Variants in CTNNA2 observed in about 807,000 individuals in gnomAD.
CTNNA2 encodes the protein catenin alpha-2.
CTNNA2 carries 42 observed loss-of-function variants against 101.0 expected under a neutral mutation model. That is an observed-to-expected ratio of 0.42 (90% CI 0.32 to 0.54). The LOEUF (loss-of-function observed/expected upper bound fraction) is 0.54, where lower values mean the gene tolerates loss of function less well. Ranked by LOEUF, CTNNA2 falls within the 20% of genes least tolerant of loss-of-function variation. The pLI is 0.14. For synonymous variants in CTNNA2, 450 were observed against 456.4 expected, an observed-to-expected ratio of 0.99 and a Z score of 0.18; for missense variants, 871 against 1,223.1, an observed-to-expected ratio of 0.71 and a Z score of 4.29.
At chr2:80,179,650 G>A (rs1705638817) in intron 7 of CTNNA2, among the ~76,000 whole-genome samples, 1 of 152,160 alleles carries the variant, frequency 6.6e-6, no homozygotes, top group South Asian at 2.1e-4. Context: ...TGGGATTACA[G>A]GTGTGAGCCA....
chr2:79,599,794 A>G (rs1366371579), intron 1 of CTNNA2, among the ~76,000 whole-genome samples: 1 of 152,192 alleles, frequency 6.6e-6, no homozygotes, highest in African/African-American at 2.4e-5. Flanking sequence ...TTCTGATACC[A>G]AGGGAAAGTT....
chr2:79,518,550 G>A (rs916957704), intron 1 of CTNNA2, among the ~76,000 whole-genome samples: 5 of 152,156 alleles, frequency 3.3e-5, no homozygotes, highest in African/African-American at 1.2e-4. Flanking sequence ...TCTTGATGGA[G>A]CTATGTCAGT....
At chr2:80,310,237 G>C (rs1156598816) in intron 7 of CTNNA2, among the ~76,000 whole-genome samples, 1 of 152,128 alleles carries the variant, frequency 6.6e-6, no homozygotes, top group Non-Finnish European at 1.5e-5. Flanking sequence ...TGAATAATGT[G>C]TTTTCTCTCC....
intron 1 of CTNNA2, among the ~76,000 whole-genome samples, chr2:79,584,676 C>T (rs181618159): frequency 2.0e-5 from 3 of 152,072 alleles, no homozygotes; most frequent in South Asian, 2.1e-4. Flanking sequence ...CACACCACCA[C>T]GTCCGGCTAA....
At chr2:80,352,965 T>C (rs1274168289) in intron 7 of CTNNA2, among the ~76,000 whole-genome samples, 1 of 151,684 alleles carries the variant, frequency 6.6e-6, no homozygotes, top group Non-Finnish European at 1.5e-5. Flanking sequence ...TCTGGGGAAG[T>C]AGGTTCATTA....
At chr2:79,687,727 T>A in intron 2 of CTNNA2, 1 of 466,612 alleles carries the variant, frequency 2.1e-6, no homozygotes. Flanking sequence ...GTATTGTGAC[T>A]TTTGGAAAAA....
intron 7 of CTNNA2, among the ~76,000 whole-genome samples, chr2:80,164,183 C>A (rs1242811574): frequency 6.6e-6 from 1 of 151,610 alleles, no homozygotes; most frequent in Non-Finnish European, 1.5e-5. Context: ...CTTAAGTCTG[C>A]CATTTTATTT....
chr2:80,112,559 A>G (rs1356287231), intron 7 of CTNNA2, among the ~76,000 whole-genome samples: 1 of 152,198 alleles, frequency 6.6e-6, no homozygotes, highest in African/African-American at 2.4e-5. Context: ...AATCTCTGAC[A>G]AACTATTTAA....
intron 2 of CTNNA2, among the ~76,000 whole-genome samples, chr2:79,201,722 T>C (rs1330331013): frequency 1.3e-5 from 2 of 152,072 alleles, no homozygotes; most frequent in African/African-American, 4.8e-5. Context: ...CAAGCCCTAA[T>C]AGGAGATTTC....
chr2:79,878,585 G>A (rs1224399396), intron 6 of CTNNA2, among the ~76,000 whole-genome samples: 7 of 152,200 alleles, frequency 4.6e-5, no homozygotes, highest in African/African-American at 1.7e-4. Flanking sequence ...CTAATGATGA[G>A]TGATGTTGAG....
chr2:80,530,194 G>A (rs755730723), intron 9 of CTNNA2, among the ~76,000 whole-genome samples: 2 of 152,128 alleles, frequency 1.3e-5, no homozygotes, highest in African/African-American at 2.4e-5. Flanking sequence ...TTTCTGAGAG[G>A]GCGTGAAATA....
intron 12 of CTNNA2, among the ~76,000 whole-genome samples, chr2:80,564,342 A>G (rs1215694481): frequency 1.3e-5 from 2 of 152,116 alleles, no homozygotes; most frequent in Non-Finnish European, 2.9e-5. Flanking sequence ...CCATCCTTTT[A>G]AGTTATAAAC....
intron 9 of CTNNA2, among the ~76,000 whole-genome samples, chr2:80,536,739 C>T (rs1486608549): frequency 2.6e-5 from 4 of 152,154 alleles, no homozygotes; most frequent in Non-Finnish European, 5.9e-5. Context: ...GGCATTTTGG[C>T]TTTTCTTGTG....
intron 7 of CTNNA2, among the ~76,000 whole-genome samples, chr2:79,920,354 A>G (rs758880418): frequency 2.6e-5 from 4 of 152,082 alleles, no homozygotes; most frequent in Admixed American, 6.5e-5. Flanking sequence ...CACTTGCCAC[A>G]CTCCAAAATC....
intron 7 of CTNNA2, among the ~76,000 whole-genome samples, chr2:80,333,762 T>A (rs1361851689): frequency 6.6e-6 from 1 of 152,218 alleles, no homozygotes; most frequent in Non-Finnish European, 1.5e-5. Context: ...TGGCTGGGAT[T>A]GCAGGTGCGC....
At chr2:80,563,474 A>G (rs1002926475) in intron 12 of CTNNA2, among the ~76,000 whole-genome samples, 2 of 152,228 alleles carry the variant, frequency 1.3e-5, no homozygotes, top group Admixed American at 6.5e-5. Context: ...CTGAAATAAC[A>G]GGTGAACAAA....
chr2:80,487,304 A>G (rs1265404251), intron 9 of CTNNA2, among the ~76,000 whole-genome samples: 1 of 150,648 alleles, frequency 6.6e-6, no homozygotes, highest in Non-Finnish European at 1.5e-5. Context: ...AAAAAAGTGC[A>G]CAATTTTAAT....
At chr2:80,362,457 A>G (rs1268425173) in intron 7 of CTNNA2, among the ~76,000 whole-genome samples, 2 of 152,064 alleles carry the variant, frequency 1.3e-5, no homozygotes, top group Non-Finnish European at 2.9e-5. Flanking sequence ...ATCTTCTTGA[A>G]TCTTTTTTCT....
chr2:79,539,134 A>G (rs1289916706), intron 1 of CTNNA2, among the ~76,000 whole-genome samples: 1 of 152,218 alleles, frequency 6.6e-6, no homozygotes, highest in Non-Finnish European at 1.5e-5. Context: ...CTGGGAGTCC[A>G]AGAAGACCAT....
Sources: gnomAD v4.1 joint callset for allele counts (sites outside exome capture counted in the v4.1 genomes callset) on GRCh38, gnomAD v4.1.1 for gene constraint, MANE v1.5 for transcripts, NCBI Gene and HGNC (gene_info 2026-07-23, HGNC 2026-07-21) for gene names.